The following RBMX variants were observed in gnomAD, a reference collection of about 807,000 sequenced individuals.
The protein encoded by RBMX is RNA binding motif protein X-linked.
A neutral mutation model predicts 29.3 loss-of-function variants in RBMX; 1 was observed. That is an observed-to-expected ratio of 0.03 (90% CI 0.01 to 0.16). The LOEUF (loss-of-function observed/expected upper bound fraction) is 0.16, where lower values mean the gene tolerates loss of function less well. Among genes scored for constraint, RBMX ranks in the 10% least tolerant of loss-of-function variants. The probability of loss-of-function intolerance (pLI) is 1.00; values close to 1 mark genes in which losing one functional copy is unlikely to be tolerated. For synonymous variants in RBMX, 102 were observed against 102.3 expected (o/e 1.00, Z 0.02); for missense variants, 121 against 333.2 (o/e 0.36, Z 4.96).
At chrX:136,879,794 C>T (rs1183330212) in intron 1 of RBMX, among the ~76,000 whole-genome samples, 2 of 111,525 alleles carry the variant, frequency 1.8e-5, no homozygotes, top group Non-Finnish European at 3.8e-5. Flanking sequence ...ACTCATCACA[C>T]CCTTCCTAAC....
downstream of RBMX, chrX:136,872,496 G>GGAA (rs1445111467): frequency 8.0e-6 from 4 of 502,707 alleles, no homozygotes; most frequent in Non-Finnish European, 1.3e-5. Context: ...CTTAAGTGGT[G>GGAA]GAAGATTCAC....
chrX:136,876,382 A>T, intron 5 of RBMX, 121 bp downstream of exon 5: 1 of 811,143 alleles, frequency 1.2e-6, no homozygotes. Flanking sequence ...GCGGCCTCCC[A>T]AAGTGCTAGG....
rs762628310 is a variant in RBMX, at chrX:136,876,582, T to C, written c.462A>G (p.Pro154=). Residue 154 remains proline, a synonymous_variant, in exon 5 of 9, where the codon CCA becomes CCG. Coordinates refer to ENST00000320676, the MANE Select transcript of RBMX (RefSeq NM_002139.4). The stretch of plus-strand genomic sequence containing the variant: ...TAGGAGGAGGACCCCCACTTCTTGG[T>C]GGTGGTCCTCTTTTTACTGGGAGTG... ...RGPLPVKRGP[P]PRSGGPPPKR... is the part of the protein sequence containing the mutation. 5.8e-6 allele frequency: 7 copies of C among 1,206,994 alleles called. No individual in the cohort carries two copies. In the African/African-American group the frequency reaches 1.1e-4, roughly 18 times the overall value.
chrX:136,873,921 T>C lies in RBMX; in HGVS notation c.*221A>G, dbSNP rs1030313776. 30 of 1,062,308 alleles carry C rather than the reference T, an allele frequency of 2.8e-5. No individual in the cohort carries two copies. Among genetic ancestry groups the C allele is most frequent in the Non-Finnish European group, 3.3e-5 (27 of 826,817 alleles). 87.5% of individuals were successfully genotyped at this position (1,062,308 alleles called of 1,213,427 possible). A position where few individuals can be genotyped will look rare whatever the true frequency, so the allele number is the denominator to read the frequency against. On this transcript the variant is annotated 3_prime_UTR_variant, in exon 9 of 9. Coordinates refer to ENST00000320676, the MANE Select transcript of RBMX (RefSeq NM_002139.4). ...ACACTAGTACAAGTCTTAACACATT[T>C]AACATTTGCTTGTTGAAAAGCAATG...
chrX:136,872,546 G>A, downstream of RBMX: 1 of 427,521 alleles, frequency 2.3e-6, no homozygotes, highest in Non-Finnish European at 4.1e-6. Context: ...TTGTTAAGTT[G>A]CATGGCTTAT....
At chrX:136,869,764 CA>C (rs1796937610), downstream of RBMX, 1 of 111,462 alleles carries the variant, frequency 9.0e-6, no homozygotes, top group African/African-American at 3.3e-5. Flanking sequence ...TCCTCTAATC[CA>C]ACAACTCAAG....
Position 136,875,971 on chromosome X carries a change from TTTGTATCTTTA to T in RBMX, c.542-397_542-387del, listed in dbSNP as rs59273612. Among the ~76,000 whole-genome samples, 292 of 109,929 alleles carry T rather than the reference TTTGTATCTTTA, an allele frequency of 2.7e-3. 1 individual carries two copies. The highest frequency in any genetic ancestry group is 9.2e-3 in the African/African-American group (279 of 30,258). Reference sequence around the variant, plus strand: ...TGCCCACCACCACGCCCAGCTAACTTTTGTATCTTTAGTAGAGACAGGGTTTCACCACGTTG... The same window carrying T: ...TGCCCACCACCACGCCCAGCTAACTTGTAGAGACAGGGTTTCACCACGTTG... On this transcript the variant is annotated intron_variant, in intron 5 of 8. Coordinates refer to ENST00000320676, the MANE Select transcript of RBMX (RefSeq NM_002139.4).
Position 136,878,013 on chromosome X carries a change from G to A in RBMX, c.290C>T (p.Pro97Leu), listed in dbSNP as rs1331240251. The A allele has an allele frequency of 4.3e-5, 52 of 1,208,325 alleles. No homozygotes were observed. The highest frequency in any genetic ancestry group is 5.6e-5 in the Non-Finnish European group (50 of 894,224). ...AGGGCCTCTACTTCTTGGAGGTGGA[G>A]GCGGTCCACGTCTACCACTTTCAAA... is the stretch of plus-strand genomic sequence containing the variant. ...PSFESGRRGP[P>L]PPPRSRGPPR... The change falls in exon 4 of 9, where the codon CCT becomes CTT. Residue 97 changes from proline (P) to leucine (L), a missense_variant. By Grantham distance (98) the Pro-to-Leu change is moderately conservative. This residue lies in a region of RBMX where 114 missense variants were observed against 260.0 expected (regional missense o/e 0.44). Coordinates refer to ENST00000320676, the MANE Select transcript of RBMX (RefSeq NM_002139.4).
chrX:136,869,546 G>GT (rs1229410472), downstream of RBMX: 1 of 111,757 alleles, frequency 8.9e-6, no homozygotes, highest in Non-Finnish European at 1.9e-5. Context: ...CCAAGTAATC[G>GT]TAAGAGTATA....
Position 136,875,597 on chromosome X carries a change from A to G in RBMX, c.542-12T>C, listed in dbSNP as rs768720309. 1.1e-5 allele frequency: 13 copies of G among 1,197,237 alleles called. No individual in the cohort carries two copies. Among genetic ancestry groups the G allele is most frequent in the Admixed American group, 2.4e-5 (1 of 41,599 alleles). ...ACGTGATACAGGAGCTTAAGGAAAA[A>G]TATCATTTTTTTAAACATAGCCAGA... On this transcript the variant is annotated splice_polypyrimidine_tract_variant and intron_variant, in intron 5 of 8. Coordinates refer to ENST00000320676, the MANE Select transcript of RBMX (RefSeq NM_002139.4).
In RBMX at chrX:136,876,630, A is replaced by T. The variant is rs2077732675; in HGVS notation, c.414T>A (p.Phe138Leu). 15 of 1,201,870 alleles carry T rather than the reference A, an allele frequency of 1.2e-5. No homozygotes were observed. Among genetic ancestry groups the T allele is most frequent in the Non-Finnish European group, 1.7e-5 (15 of 891,424 alleles). Residue 138 changes from phenylalanine (F) to leucine (L), a missense_variant, in exon 5 of 9, where the codon TTT becomes TTA. Physicochemically the swap from Phe to Leu is conservative, Grantham distance 22. This residue lies in a region of RBMX where 114 missense variants were observed against 260.0 expected (regional missense o/e 0.44). Transcript: ENST00000320676. ...GTGGTCCCCTGGAAGAACTCATGTT[A>T]AAATTCATGGAATATCCACCGTCAT... ...HMDDGGYSMNFNMSSSRGPLP... is the reference protein window; with the variant it reads ...HMDDGGYSMNLNMSSSRGPLP...
At chrX:136,877,802 G>T in intron 4 of RBMX, 113 bp downstream of exon 4, 1 of 703,417 alleles carries the variant, frequency 1.4e-6, no homozygotes. Context: ...AACAAGTGTT[G>T]TCAATTTCAA....
chrX:136,874,574 T>C, intron 8 of RBMX, 122 bp from the exon 9 acceptor site: 1 of 862,355 alleles, frequency 1.2e-6, no homozygotes, highest in Non-Finnish European at 1.6e-6. Context: ...TGGGAGGTTT[T>C]AAACTCTGCC....
rs1446012059 is a variant in RBMX at position 136,880,604 on chromosome X, G to C, written c.-34C>G. The C allele has an allele frequency of 8.4e-6, 1 of 118,862 alleles. No homozygotes were observed. Among genetic ancestry groups the C allele is most frequent in the East Asian group, 2.8e-4 (1 of 3,592 alleles). 9.8% of individuals were successfully genotyped at this position (118,862 alleles called of 1,213,427 possible). A position where few individuals can be genotyped will look rare whatever the true frequency, so the allele number is the denominator to read the frequency against. On this transcript the variant is annotated 5_prime_UTR_variant, in exon 1 of 9. Transcript: ENST00000320676. ...AGGAAAGGAGACACGTACCGGAGGG[G>C]TGACAATGGGTTCAAGCTCCAACGA...
At chrX:136,878,330 T>C (rs1393639530) in intron 3 of RBMX, among the ~76,000 whole-genome samples, 1 of 111,323 alleles carries the variant, frequency 9.0e-6, no homozygotes, top group Non-Finnish European at 1.9e-5. Flanking sequence ...CACTGCATTA[T>C]TGTATGGTAA....
intron 5 of RBMX, 136 bp downstream of exon 5, chrX:136,876,367 C>CT: frequency 1.6e-6 from 1 of 620,031 alleles, no homozygotes; most frequent in Non-Finnish European, 2.3e-6. Flanking sequence ...CGTGATCCGT[C>CT]TGCCGCGGCC....
downstream of RBMX, chrX:136,873,429 C>T: frequency 1.3e-6 from 1 of 753,159 alleles, no homozygotes; most frequent in Non-Finnish European, 1.6e-6. Context: ...AAATTTGAAA[C>T]AGTAAGAGCA....
chrX:136,872,429 G>A (rs1486159436), downstream of RBMX: 1 of 826,856 alleles, frequency 1.2e-6, no homozygotes, highest in South Asian at 2.3e-5. Flanking sequence ...CTCTTTTCCA[G>A]AAAGAAAAGG....
chrX:136,872,456 G>T, downstream of RBMX: 1 of 631,674 alleles, frequency 1.6e-6, no homozygotes, highest in Non-Finnish European at 2.5e-6. Flanking sequence ...CAGACTTGCA[G>T]CTTAATATAT....
Sources: gnomAD v4.1 joint callset for allele counts (sites outside exome capture counted in the v4.1 genomes callset) on GRCh38, gnomAD v4.1.1 for gene constraint, gnomAD v4.1.1 regional missense constraint, MANE v1.5 for transcripts, NCBI Gene and HGNC (gene_info 2026-07-23, HGNC 2026-07-21) for gene names.